The following STAG3 variants were observed in gnomAD, a reference collection of about 807,000 sequenced individuals.
The protein encoded by STAG3 is cohesin subunit SA-3.
A neutral mutation model predicts 160.7 loss-of-function variants in STAG3; 101 were observed. The observed-to-expected ratio is 0.63, with a 90% CI of 0.54 to 0.74. STAG3 has a LOEUF of 0.74. Ranked by LOEUF, STAG3 falls within the 30% of genes least tolerant of loss-of-function variation. The pLI is 0.00. For synonymous variants in STAG3, 519 were observed against 585.0 expected (o/e 0.89, Z 1.63); for missense variants, 1,188 against 1,517.4 (o/e 0.78, Z 3.61).
chr7:100,212,078 C>A (rs1584789622), intron 32 of STAG3: 1 of 516,312 alleles, frequency 1.9e-6, no homozygotes, highest in East Asian at 3.2e-5. Context: ...AAAGAAATTA[C>A]AAATACCAAA....
chr7:100,213,243 C>G, intron 32 of STAG3: 1 of 971,458 alleles, frequency 1.0e-6, no homozygotes, highest in Non-Finnish European at 1.2e-6. Context: ...GCCCCACTTC[C>G]AAACAGCATC....
rs760190813 is a variant in STAG3 at position 100,198,543 on chromosome 7, G to A, written c.1313G>A (p.Arg438Gln). 32 of 1,613,980 alleles carry A rather than the reference G, an allele frequency of 2.0e-5. No homozygotes were observed. In the Admixed American group the frequency reaches 2.5e-4, roughly 13 times the overall value. The change falls in exon 13 of 34, where the codon CGA becomes CAA. Residue 438 changes from arginine to glutamine, a missense_variant. Physicochemically the swap from Arg to Gln is conservative, Grantham distance 43. Transcript: ENST00000615138. ...TACCCAGTTGTGTATGCCTCTCATCGAGGCCTGGCCTCTGCCGCAGGCGAA... is the reference window on the plus strand; with the variant it reads ...TACCCAGTTGTGTATGCCTCTCATCAAGGCCTGGCCTCTGCCGCAGGCGAA... The part of the protein sequence containing the change: ...SVYPVVYASH[R>Q]GLASAAGEFL...
rs371194043 is a variant in STAG3, at chr7:100,199,250, G to A, written c.1468-12G>A. ...ATGCTATCATTAACTCCCCATGCACGTTCTCCCCTAGCTCCATGACCACGC... is the reference window on the plus strand; with the variant it reads ...ATGCTATCATTAACTCCCCATGCACATTCTCCCCTAGCTCCATGACCACGC... On this transcript the variant is annotated splice_polypyrimidine_tract_variant and intron_variant, in intron 14 of 33. Coordinates refer to ENST00000615138, the MANE Select transcript of STAG3 (RefSeq NM_001282717.2). 4.4e-5 allele frequency: 70 copies of A among 1,587,758 alleles called. No individual in the cohort carries two copies. Among genetic ancestry groups the A allele is most frequent in the African/African-American group, 4.3e-4 (32 of 74,438 alleles).
chr7:100,205,510 A>G, intron 29 of STAG3, 126 bp downstream of exon 29: 1 of 1,046,898 alleles, frequency 9.6e-7, no homozygotes, highest in South Asian at 1.9e-5. Flanking sequence ...TTCAAGGTTT[A>G]TCTAGTCAAC....
intron 4 of STAG3, among the ~76,000 whole-genome samples, chr7:100,184,407 G>A (rs184210552): frequency 6.0e-3 from 898 of 149,690 alleles, no homozygotes; most frequent in Non-Finnish European, 8.4e-3. Context: ...AAGGACCTGA[G>A]CACATTTTAA....
rs777245782 is a variant in STAG3, at chr7:100,202,487, G to A, written c.2597G>A (p.Arg866Gln). The change falls in exon 25 of 34, where the codon CGG (arginine) becomes CAG (glutamine). Residue 866 changes from arginine to glutamine, a missense_variant. Physicochemically the swap from Arg to Gln is conservative, Grantham distance 43. Coordinates refer to ENST00000615138, the MANE Select transcript of STAG3 (RefSeq NM_001282717.2). Reference sequence around the variant, plus strand: ...CAGGAGGATCATTTACAGATAGAGCGGCTACACCAGCGGCGCCGCCTCCTA... The same window carrying A: ...CAGGAGGATCATTTACAGATAGAGCAGCTACACCAGCGGCGCCGCCTCCTA... ...DSQEDHLQIE[R>Q]LHQRRRLLAG... 4.0e-5 allele frequency: 65 copies of A among 1,613,974 alleles called. No homozygotes were observed. Among genetic ancestry groups the A allele is most frequent in the Middle Eastern group, 1.6e-4 (1 of 6,082 alleles).
At chr7:100,200,121 T>G (rs1185143444) in intron 16 of STAG3, 115 bp from the exon 17 acceptor site, 1 of 639,236 alleles carries the variant, frequency 1.6e-6, no homozygotes, top group East Asian at 2.8e-5. Flanking sequence ...TCGTGGGAGC[T>G]ACTGAGTTCT....
At chr7:100,193,339 G>A (rs1327581461) in intron 8 of STAG3, among the ~76,000 whole-genome samples, 1 of 152,166 alleles carries the variant, frequency 6.6e-6, no homozygotes, top group African/African-American at 2.4e-5. Context: ...AACTGCATTA[G>A]CCCCTAACGA....
At position 100,194,750 on chromosome 7, in the gene STAG3, A is replaced by C. The variant is rs547518180; in HGVS notation, c.868-559A>C. ...GTGGAGGCTGCCGTGAGCCATGGTCACACCACTGTACTCCAGCCTGGGTGC... is the reference window on the plus strand; with the variant it reads ...GTGGAGGCTGCCGTGAGCCATGGTCCCACCACTGTACTCCAGCCTGGGTGC... On this transcript the variant is annotated intron_variant, in intron 8 of 33. Transcript: ENST00000615138. 6.6e-5 allele frequency among the ~76,000 whole-genome samples: 10 copies of C among 152,296 alleles called. No individual in the cohort carries two copies. The South Asian group carries it at 1.7e-3, about 25-fold the overall frequency.
rs144089813 is a variant in STAG3, at chr7:100,180,500, G to A, written c.-57G>A. On this transcript the variant is annotated 5_prime_UTR_variant, in exon 2 of 34. Coordinates refer to ENST00000615138, the MANE Select transcript of STAG3 (RefSeq NM_001282717.2). Reference sequence around the variant, plus strand: ...CTTCTCTTTCTTCCCCAGCTGGATCGCCATACCTACCCTGTGGTCCTCATC... The same window carrying A: ...CTTCTCTTTCTTCCCCAGCTGGATCACCATACCTACCCTGTGGTCCTCATC... 107 of 1,017,522 alleles carry A rather than the reference G, an allele frequency of 1.1e-4. 1 individual carries two copies. Among genetic ancestry groups the A allele is most frequent in the Middle Eastern group, 2.1e-4 (1 of 4,736 alleles). The allele number at this position is 1,017,522 out of a possible 1,614,324, so 63.0% of individuals were successfully genotyped here.
rs1409243702 is a variant in STAG3, at chr7:100,204,634, C to G, written c.2810C>G (p.Thr937Arg). 23 of 1,613,986 alleles carry G rather than the reference C, an allele frequency of 1.4e-5. No homozygotes were observed. Among genetic ancestry groups the G allele is most frequent in the Non-Finnish European group, 1.9e-5 (22 of 1,180,008 alleles). ...ILLLSLKQLY[T>R]ELLQEHGPQG... ...CATGTCTCCTGGACACAGCTGTACA[C>G]AGAACTGCTGCAGGAGCATGGGCCC... The change falls in exon 27 of 34, where the codon ACA (threonine) becomes AGA (arginine). Residue 937 changes from threonine (T) to arginine (R), a missense_variant. Thr to Arg is a moderately conservative substitution (Grantham distance 71). Around this residue, in one of 4 missense-constraint regions of STAG3, gnomAD observed 647 missense variants for 717.2 expected, o/e 0.90. Coordinates refer to ENST00000615138, the MANE Select transcript of STAG3 (RefSeq NM_001282717.2).
At chr7:100,196,459 C>T (rs376508931) in intron 9 of STAG3, among the ~76,000 whole-genome samples, 27 of 152,112 alleles carry the variant, frequency 1.8e-4, no homozygotes, top group African/African-American at 6.0e-4. Context: ...TTTTGGCCAC[C>T]ATGCCCAGCC....
intron 29 of STAG3, among the ~76,000 whole-genome samples, chr7:100,206,570 C>A (rs981027202): frequency 7.2e-5 from 11 of 152,184 alleles, no homozygotes; most frequent in African/African-American, 2.6e-4. Context: ...CTCCCACGTT[C>A]AAGTGGTTCT....
rs1584788503 is a variant in STAG3 at position 100,211,881 on chromosome 7, G to A, written c.3600+5G>A. 1.9e-6 allele frequency: 3 copies of A among 1,613,740 alleles called. No individual in the cohort carries two copies. Among genetic ancestry groups the A allele is most frequent in the Non-Finnish European group, 2.5e-6 (3 of 1,179,842 alleles). ...GAACGGCAGGATACAGACATGGTGAGTAGACCACCCTGCCCTTCTCTCTCA... is the reference window on the plus strand; with the variant it reads ...GAACGGCAGGATACAGACATGGTGAATAGACCACCCTGCCCTTCTCTCTCA... On this transcript the variant is annotated splice_donor_5th_base_variant and intron_variant, in intron 32 of 33. Coordinates refer to ENST00000615138, the MANE Select transcript of STAG3 (RefSeq NM_001282717.2).
In STAG3 at chr7:100,212,707, G is replaced by A. The variant is rs537344765; in HGVS notation, c.3600+831G>A. The A allele has an allele frequency of 3.3e-5, 5 of 152,190 alleles. No individual in the cohort carries two copies. In the East Asian group the frequency reaches 9.7e-4, roughly 29 times the overall value. The allele number at this position is 152,190 out of a possible 1,614,324, so 9.4% of individuals were successfully genotyped here. ...CACCTGACCTCAAGTGGCTCCACCTGGCTCAGCCTCCCTAAGTGCTGGGAT... is the reference window on the plus strand; with the variant it reads ...CACCTGACCTCAAGTGGCTCCACCTAGCTCAGCCTCCCTAAGTGCTGGGAT... On this transcript the variant is annotated intron_variant, in intron 32 of 33. Coordinates refer to ENST00000615138, the MANE Select transcript of STAG3 (RefSeq NM_001282717.2).
At chr7:100,200,667 T>A in intron 18 of STAG3, 102 bp from the exon 19 acceptor site, 2 of 1,536,404 alleles carry the variant, frequency 1.3e-6, no homozygotes, top group South Asian at 2.3e-5. Context: ...CTTAGGCATC[T>A]TATCCTTGAA....
chr7:100,185,479 G>T (rs1799934309), intron 4 of STAG3, among the ~76,000 whole-genome samples: 1 of 151,760 alleles, frequency 6.6e-6, no homozygotes, highest in Admixed American at 6.6e-5. Context: ...GCGCACACCT[G>T]TAATCCCAGC....
chr7:100,181,132 C>A (rs10229068), intron 2 of STAG3, among the ~76,000 whole-genome samples: 93 of 152,206 alleles, frequency 6.1e-4, no homozygotes, highest in African/African-American at 2.2e-3. Flanking sequence ...ATTGTATATA[C>A]TTTTTGGCTA....
intron 7 of STAG3, 142 bp from the exon 8 acceptor site, chr7:100,189,303 C>G (rs1442346746): frequency 3.1e-6 from 3 of 960,552 alleles, no homozygotes; most frequent in Admixed American, 2.7e-5. Flanking sequence ...CACTCCAGGA[C>G]AGGCCGTCTT....
Sources: allele counts gnomAD v4.1 joint callset (sites outside exome capture counted in the v4.1 genomes callset), GRCh38; gene constraint gnomAD v4.1.1; regional missense constraint gnomAD v4.1.1; transcripts MANE v1.5; gene names NCBI Gene and HGNC (gene_info 2026-07-23, HGNC 2026-07-21).